Variants in ZC3H18 observed in about 807,000 individuals in gnomAD.
ZC3H18 encodes zinc finger CCCH-type containing 18, also known as zinc finger CCCH domain-containing protein 18.
A neutral mutation model predicts 106.1 loss-of-function variants in ZC3H18; 8 were observed. The observed-to-expected ratio is 0.08, with a 90% CI of 0.04 to 0.14. ZC3H18 has a LOEUF of 0.14. Ranked by LOEUF, ZC3H18 falls within the 10% of genes least tolerant of loss-of-function variation. The probability of loss-of-function intolerance (pLI) is 1.00; values close to 1 mark genes in which losing one functional copy is unlikely to be tolerated. For synonymous variants in ZC3H18, 635 were observed against 522.1 expected (o/e 1.22, Z -2.95); for missense variants, 1,318 against 1,278.4 (o/e 1.03, Z -0.47).
At chr16:88,630,625 A>T in intron 17 of ZC3H18, 44 bp downstream of exon 17, 1 of 1,535,940 alleles carries the variant, frequency 6.5e-7, no homozygotes. Flanking sequence ...CGAGGGGGCC[A>T]GCCCCAGTCG....
chr16:88,592,349 A>T (rs981151984), intron 3 of ZC3H18, among the ~76,000 whole-genome samples: 1 of 152,124 alleles, frequency 6.6e-6, no homozygotes, highest in Non-Finnish European at 1.5e-5. Flanking sequence ...TCAGTTTTGA[A>T]TCCTTGCAAA....
chr16:88,597,428 C>T (rs925989640), intron 3 of ZC3H18, among the ~76,000 whole-genome samples: 6 of 152,142 alleles, frequency 3.9e-5, no homozygotes, highest in Admixed American at 2.0e-4. Context: ...TTTTAAACCG[C>T]TTAGATACTA....
intron 2 of ZC3H18, among the ~76,000 whole-genome samples, chr16:88,585,909 TCAGGTGGG>T (rs1250328602): frequency 1.3e-5 from 2 of 151,996 alleles, no homozygotes; most frequent in Non-Finnish European, 2.9e-5. Context: ...GTCAGGGATG[TCAGGTGGG>T]CAGCTGGTGC....
chr16:88,603,635 T>TG (rs910569800), intron 6 of ZC3H18, among the ~76,000 whole-genome samples: 1 of 149,364 alleles, frequency 6.7e-6, no homozygotes. Context: ...TTTTTTTTTT[T>TG]TTTTTGAGAC....
intron 3 of ZC3H18, chr16:88,587,476 G>T: frequency 2.2e-6 from 3 of 1,372,402 alleles, no homozygotes; most frequent in South Asian, 2.5e-5. Context: ...GCCCATAGAT[G>T]ACTGTCACTG....
At position 88,622,127 on chromosome 16, in the gene ZC3H18, T is replaced by G; in HGVS notation, c.1476-70T>G. ...GTATGAGATCCATAGTCTCTCCCGC[T>G]GCTGTCACACCTGGCATTGCTGTGA... is the stretch of plus-strand genomic sequence containing the variant. On this transcript the variant is annotated intron_variant, in intron 8 of 17. Transcript: ENST00000301011. 3.3e-6 allele frequency: 5 copies of G among 1,516,286 alleles called. No individual in the cohort carries two copies. In the Admixed American group the frequency reaches 6.1e-5, roughly 19 times the overall value. The allele number at this position is 1,516,286 out of a possible 1,614,324, so 93.9% of individuals were successfully genotyped here.
intron 3 of ZC3H18, among the ~76,000 whole-genome samples, chr16:88,592,340 C>T (rs1329594877): frequency 1.3e-5 from 2 of 152,168 alleles, no homozygotes; most frequent in African/African-American, 4.8e-5. Flanking sequence ...GTCTTTTGCT[C>T]AGTTTTGAAT....
intron 10 of ZC3H18, 164 bp from the exon 11 acceptor site, chr16:88,623,792 CTG>C (rs1906120068): frequency 7.7e-7 from 1 of 1,305,418 alleles, no homozygotes; most frequent in African/African-American, 1.5e-5. Context: ...TACTCTGGGC[CTG>C]TGTTTTTAGC....
chr16:88,592,009 G>A lies in ZC3H18; in HGVS notation c.688+5325G>A, dbSNP rs187867538. Among the ~76,000 whole-genome samples, 667 of 152,208 alleles carry A rather than the reference G, an allele frequency of 4.4e-3. 2 individuals carry two copies. The highest frequency in any genetic ancestry group is 7.1e-3 in the Non-Finnish European group (481 of 67,974). ...CAGCGGAGTTGCTGATGACCTGGTGGTTGTGTGTTTCATCTTTTGCGGAGC... is the reference window on the plus strand; with the variant it reads ...CAGCGGAGTTGCTGATGACCTGGTGATTGTGTGTTTCATCTTTTGCGGAGC... On this transcript the variant is annotated intron_variant, in intron 3 of 17. Coordinates refer to ENST00000301011, the MANE Select transcript of ZC3H18 (RefSeq NM_144604.4).
intron 8 of ZC3H18, among the ~76,000 whole-genome samples, chr16:88,621,229 A>ATT (rs35374963): frequency 0.013 from 1,601 of 124,654 alleles, 38 homozygotes; most frequent in African/African-American, 0.045. Flanking sequence ...TTTTGTTTTT[A>ATT]TTTTTTTTTT....
chr16:88,628,215 T>A, intron 15 of ZC3H18, 96 bp downstream of exon 15: 1 of 1,383,816 alleles, frequency 7.2e-7, no homozygotes, highest in Non-Finnish European at 9.9e-7. Flanking sequence ...GGAGCCTGAG[T>A]GAGGGCGAGT....
intron 6 of ZC3H18, 121 bp downstream of exon 6, chr16:88,600,069 G>C: frequency 7.9e-7 from 1 of 1,269,230 alleles, no homozygotes; most frequent in South Asian, 1.4e-5. Context: ...ACTCACTGGA[G>C]TCTCAGTGAC....
In ZC3H18 at chr16:88,608,977, C is replaced by T; in HGVS notation, c.1132C>T (p.Arg378Trp). ...CCCTTATTATGACTATGAAATTGAG[C>T]GGTTTTGGCGTGGCGGACAGTATGA... ...ADPYYDYEIE[R>W]FWRGGQYENF... is the part of the protein sequence containing the mutation. The change falls in exon 7 of 18, where the codon CGG becomes TGG. Residue 378 changes from arginine to tryptophan, a missense_variant. By Grantham distance (101) the Arg-to-Trp change is moderately radical. Transcript: ENST00000301011. 1 of 1,613,678 alleles carries T rather than the reference C, an allele frequency of 6.2e-7. No individual in the cohort carries two copies. The highest frequency in any genetic ancestry group is 8.5e-7 in the Non-Finnish European group (1 of 1,179,768).
chr16:88,587,766 A>G (rs1308302658), intron 3 of ZC3H18, among the ~76,000 whole-genome samples: 2 of 152,190 alleles, frequency 1.3e-5, no homozygotes, highest in Admixed American at 1.3e-4. Context: ...CCTCCTCCTT[A>G]GAGGCACGTG....
At chr16:88,577,068 C>G (rs1567574908) in intron 1 of ZC3H18, 42 bp from the exon 2 acceptor site, 4 of 1,499,358 alleles carry the variant, frequency 2.7e-6, no homozygotes, top group Admixed American at 2.4e-5. Context: ...GTTTGTTTTC[C>G]ATTTTGCTAA....
chr16:88,583,706 G>C (rs1033961793), intron 2 of ZC3H18, among the ~76,000 whole-genome samples: 4 of 152,328 alleles, frequency 2.6e-5, no homozygotes, highest in African/African-American at 7.2e-5. Context: ...CCCGGCTTCA[G>C]ATGGGTGCAC....
chr16:88,586,812 GT>G, intron 3 of ZC3H18, 128 bp downstream of exon 3: 1 of 577,182 alleles, frequency 1.7e-6, no homozygotes. Flanking sequence ...TGGCTAGGTG[GT>G]GGTGGTGGTG....
At chr16:88,608,681 G>A (rs148054707) in intron 6 of ZC3H18, 2 of 256,330 alleles carry the variant, frequency 7.8e-6, no homozygotes, top group African/African-American at 4.5e-5. Context: ...CTATTTTCTT[G>A]AGTATTTTTT....
At chr16:88,618,288 C>T (rs138298513) in intron 8 of ZC3H18, among the ~76,000 whole-genome samples, 115 of 151,980 alleles carry the variant, frequency 7.6e-4, no homozygotes, top group African/African-American at 2.6e-3. Context: ...GAGCATGTGG[C>T]CCGTAGCTAA....
Sources: gnomAD v4.1 joint callset for allele counts (sites outside exome capture counted in the v4.1 genomes callset) on GRCh38, gnomAD v4.1.1 for gene constraint, MANE v1.5 for transcripts, NCBI Gene and HGNC (gene_info 2026-07-23, HGNC 2026-07-21) for gene names.